Variants in TRPS1 observed in about 807,000 individuals in gnomAD.
The protein encoded by TRPS1 is zinc finger transcription factor Trps1.
Under a neutral mutation model 101.2 loss-of-function variants are expected in TRPS1, and 6 were observed. That is an observed-to-expected ratio of 0.06 (90% CI 0.03 to 0.12). TRPS1 has a LOEUF of 0.12. Ranked by LOEUF, TRPS1 falls within the 10% of genes least tolerant of loss-of-function variation. The probability of loss-of-function intolerance (pLI) is 1.00; values close to 1 mark genes in which losing one functional copy is unlikely to be tolerated. For synonymous variants in TRPS1, 578 were observed against 589.8 expected (o/e 0.98, Z 0.29); for missense variants, 1,363 against 1,567.0 (o/e 0.87, Z 2.20).
chr8:115,466,737 A>G (rs1487087890), intron 5 of TRPS1, among the ~76,000 whole-genome samples: 1 of 152,142 alleles, frequency 6.6e-6, no homozygotes, highest in Non-Finnish European at 1.5e-5. Flanking sequence ...CCCATTTTAC[A>G]AATGCCCAGA....
intron 5 of TRPS1, among the ~76,000 whole-genome samples, chr8:115,571,349 T>C (rs950586479): frequency 1.3e-5 from 2 of 152,184 alleles, no homozygotes; most frequent in South Asian, 4.1e-4. Context: ...TTTGTACTTA[T>C]TATAACAAAA....
rs142201299 is a variant in TRPS1, at chr8:115,436,204, A to G, written c.2701-17752T>C. ...AATCTTCTGACTCATGCAACTGAAA[A>G]TCTGGGAAAAACTCTGACTTTAGGC... On this transcript the variant is annotated intron_variant, in intron 5 of 6. Coordinates refer to ENST00000395715, the MANE Select transcript of TRPS1 (RefSeq NM_014112.5). Among the ~76,000 whole-genome samples the G allele has an allele frequency of 1.4e-3, 219 of 152,254 alleles. 1 individual carries two copies. The highest frequency in any genetic ancestry group is 5.0e-3 in the African/African-American group (208 of 41,546).
At chr8:115,464,514 G>T (rs1814271121) in intron 5 of TRPS1, among the ~76,000 whole-genome samples, 1 of 152,076 alleles carries the variant, frequency 6.6e-6, no homozygotes, top group Non-Finnish European at 1.5e-5. Flanking sequence ...AATATTCTAT[G>T]TCATTTTTTA....
intron 5 of TRPS1, among the ~76,000 whole-genome samples, chr8:115,566,875 G>GA (rs1817080163): frequency 1.3e-5 from 2 of 152,186 alleles, no homozygotes; most frequent in South Asian, 4.1e-4. Flanking sequence ...AGATAAGATG[G>GA]AAAAATGAAG....
At chr8:115,415,807 C>T (rs767862035) in intron 6 of TRPS1, among the ~76,000 whole-genome samples, 7 of 152,098 alleles carry the variant, frequency 4.6e-5, no homozygotes, top group Admixed American at 1.3e-4. Context: ...ACATAAATGT[C>T]GGCTGTTTAA....
chr8:115,543,530 T>C (rs991619033), intron 5 of TRPS1, among the ~76,000 whole-genome samples: 1 of 152,194 alleles, frequency 6.6e-6, no homozygotes. Flanking sequence ...CAAGTGAGCA[T>C]TTAAAAAATA....
chr8:115,470,392 T>C (rs935863977), intron 5 of TRPS1, among the ~76,000 whole-genome samples: 6 of 152,232 alleles, frequency 3.9e-5, no homozygotes, highest in African/African-American at 1.4e-4. Context: ...ATTTGGTGCA[T>C]GTTTTTACAT....
At position 115,447,169 on chromosome 8, in the gene TRPS1, A is replaced by G. The variant is rs543550330; in HGVS notation, c.2701-28717T>C. On this transcript the variant is annotated intron_variant, in intron 5 of 6. Transcript: ENST00000395715. Reference sequence around the variant, plus strand: ...CTTCCAGTCTTTTAGCTCCAGCTGTACTATGGCCTTCTGGGTTCTGCTACA... The same window carrying G: ...CTTCCAGTCTTTTAGCTCCAGCTGTGCTATGGCCTTCTGGGTTCTGCTACA... Among the ~76,000 whole-genome samples the G allele has an allele frequency of 2.7e-4, 41 of 152,282 alleles. No individual in the cohort carries two copies. The Middle Eastern group carries it at 0.01, about 38-fold the overall frequency.
chr8:115,649,938 T>C (rs1811523181), intron 1 of TRPS1, among the ~76,000 whole-genome samples: 1 of 152,232 alleles, frequency 6.6e-6, no homozygotes, highest in Non-Finnish European at 1.5e-5. Context: ...TACAGTCTGA[T>C]AAGGAACATT....
At chr8:115,506,356 G>A (rs3808425) in intron 5 of TRPS1, among the ~76,000 whole-genome samples, 92,543 of 151,786 alleles carry the variant, frequency 0.61, 28,642 homozygotes, top group East Asian at 0.84. Context: ...AAATATAATT[G>A]AGAATTGAAA....
chr8:115,639,416 G>A (rs1444782446), intron 1 of TRPS1, among the ~76,000 whole-genome samples: 1 of 152,162 alleles, frequency 6.6e-6, no homozygotes. Context: ...ACAATTTTGG[G>A]TGGAAGGATA....
intron 5 of TRPS1, among the ~76,000 whole-genome samples, chr8:115,535,022 T>A (rs1008258875): frequency 2.7e-5 from 4 of 148,516 alleles, no homozygotes; most frequent in Non-Finnish European, 5.9e-5. Context: ...AGCATATATA[T>A]AAGCATATAT....
In TRPS1 at chr8:115,410,056, G is replaced by A. The variant is rs184484822; in HGVS notation, c.*3967C>T. ...TTACTCCACATTTCCACCACTGGAT[G>A]GCAGATATTCCCCCTCTAGAAATGC... On this transcript the variant is annotated 3_prime_UTR_variant, in exon 7 of 7. Coordinates refer to ENST00000395715, the MANE Select transcript of TRPS1 (RefSeq NM_014112.5). The A allele has an allele frequency of 3.9e-5, 6 of 152,016 alleles. No homozygotes were observed. In the East Asian group the frequency reaches 9.7e-4, roughly 25 times the overall value. The allele number at this position is 152,016 out of a possible 1,614,324, so 9.4% of individuals were successfully genotyped here. A position where few individuals can be genotyped will look rare whatever the true frequency, so the allele number is the denominator to read the frequency against.
intron 1 of TRPS1, among the ~76,000 whole-genome samples, chr8:115,663,016 T>A (rs555195147): frequency 8.4e-4 from 128 of 152,168 alleles, no homozygotes; most frequent in African/African-American, 2.8e-3. Context: ...CAAATGGATT[T>A]TTTTTCCAAA....
At chr8:115,572,464 A>G (rs982926282) in intron 5 of TRPS1, among the ~76,000 whole-genome samples, 2 of 149,502 alleles carry the variant, frequency 1.3e-5, no homozygotes, top group Non-Finnish European at 3.0e-5. Context: ...TTTTTTTGTT[A>G]TTGTTGTTGT....
At chr8:115,494,025 A>G (rs1295264229) in intron 5 of TRPS1, among the ~76,000 whole-genome samples, 5 of 152,192 alleles carry the variant, frequency 3.3e-5, no homozygotes, top group African/African-American at 1.2e-4. Context: ...TTCATTAACA[A>G]AACTTGAACT....
chr8:115,627,124 A>G (rs1429151878), intron 1 of TRPS1, among the ~76,000 whole-genome samples: 1 of 151,716 alleles, frequency 6.6e-6, no homozygotes, highest in Non-Finnish European at 1.5e-5. Context: ...TTCACTAACT[A>G]GGGAAACTAA....
chr8:115,535,484 T>C (rs1479488123), intron 5 of TRPS1, among the ~76,000 whole-genome samples: 1 of 143,654 alleles, frequency 7.0e-6, no homozygotes, highest in Admixed American at 6.9e-5. Flanking sequence ...CACACATATA[T>C]AGCATATATA....
chr8:115,645,974 C>G (rs932839667), intron 1 of TRPS1, among the ~76,000 whole-genome samples: 1 of 152,078 alleles, frequency 6.6e-6, no homozygotes, highest in African/African-American at 2.4e-5. Flanking sequence ...TAGCTGACGG[C>G]TAGAATGCTC....
Sources: allele counts gnomAD v4.1 joint callset (sites outside exome capture counted in the v4.1 genomes callset), GRCh38; gene constraint gnomAD v4.1.1; transcripts MANE v1.5; gene names NCBI Gene and HGNC (gene_info 2026-07-23, HGNC 2026-07-21).